The following SLC5A1 variants were observed in gnomAD, a reference collection of about 807,000 sequenced individuals.
SLC5A1 encodes sodium/glucose cotransporter 1.
A neutral mutation model predicts 73.5 loss-of-function variants in SLC5A1; 42 were observed. The ratio of observed to expected loss-of-function variants is 0.57; its 90% CI spans 0.45 to 0.74. The LOEUF is 0.74. SLC5A1 is among the 30% of genes least tolerant of loss of function. The pLI is 0.00. For synonymous variants in SLC5A1, 300 were observed against 317.4 expected (o/e 0.95, Z 0.58); for missense variants, 634 against 855.4 (o/e 0.74, Z 3.23).
In SLC5A1 at chr22:32,110,558, C is replaced by T. The variant is rs1253552781; in HGVS notation, c.*345C>T. ...CCGGGTGTCAGTGTGGTTTATAATCCTTGAATATTGTTTTAGAAACTTTGG... is the reference window on the plus strand; with the variant it reads ...CCGGGTGTCAGTGTGGTTTATAATCTTTGAATATTGTTTTAGAAACTTTGG... On this transcript the variant is annotated 3_prime_UTR_variant, in exon 15 of 15. Coordinates refer to ENST00000266088, the MANE Select transcript of SLC5A1 (RefSeq NM_000343.4). 6 of 357,530 alleles carry T rather than the reference C, an allele frequency of 1.7e-5. No individual in the cohort carries two copies. The highest frequency in any genetic ancestry group is 2.7e-5 in the Non-Finnish European group (5 of 188,038). 22.1% of individuals were successfully genotyped at this position (357,530 alleles called of 1,614,324 possible).
rs1176872471 is a variant in SLC5A1 at position 32,043,285 on chromosome 22, G to C, written c.4G>C (p.Asp2His). The change falls in exon 1 of 15, where the codon GAC becomes CAC. Residue 2 changes from aspartate to histidine, a missense_variant. Around this residue, in one of 3 missense-constraint regions of SLC5A1, gnomAD observed 51 missense variants for 50.5 expected, o/e 1.01. Coordinates refer to ENST00000266088, the MANE Select transcript of SLC5A1 (RefSeq NM_000343.4). This position sits in a 1 kb window ranked among gnomAD's most constrained non-coding sequence, Gnocchi z 6.5. M[D>H]SSTWSPKTTA... ...GGAAGGACGCAACGCTGCCACCATGGACAGTAGCACCTGGAGCCCCAAGAC... is the reference window on the plus strand; with the variant it reads ...GGAAGGACGCAACGCTGCCACCATGCACAGTAGCACCTGGAGCCCCAAGAC... 2 of 1,613,972 alleles carry C rather than the reference G, an allele frequency of 1.2e-6. No homozygotes were observed. The highest frequency in any genetic ancestry group is 1.7e-5 in the Admixed American group (1 of 60,032).
intron 5 of SLC5A1, among the ~76,000 whole-genome samples, chr22:32,069,052 A>T (rs901824138): frequency 6.6e-6 from 1 of 152,232 alleles, no homozygotes; most frequent in African/African-American, 2.4e-5. Context: ...AATACGTGGC[A>T]TATATACATA....
At chr22:32,053,877 A>G (rs2093948184) in intron 2 of SLC5A1, among the ~76,000 whole-genome samples, 1 of 152,164 alleles carries the variant, frequency 6.6e-6, no homozygotes, top group Non-Finnish European at 1.5e-5. Flanking sequence ...GATTATCATC[A>G]TTATAATTGT....
chr22:32,059,024 C>T (rs2093956204), intron 2 of SLC5A1: 1 of 774,754 alleles, frequency 1.3e-6, no homozygotes. Flanking sequence ...TTTGATATCA[C>T]TTACTCACTC....
rs1362872620 is a variant in SLC5A1, at chr22:32,050,118, G to T, written c.207+104G>T. On this transcript the variant is annotated intron_variant, in intron 2 of 14. Transcript: ENST00000266088. ...GGGTGGTGGTGATTCTAGGATTCAA[G>T]GATCCCAACCAGATTCTTGACAGTG... is the stretch of plus-strand genomic sequence containing the variant. The T allele has an allele frequency of 3.9e-6, 4 of 1,020,694 alleles. No individual in the cohort carries two copies. In the Admixed American group the frequency reaches 6.8e-5, roughly 17 times the overall value. 63.2% of individuals were successfully genotyped at this position (1,020,694 alleles called of 1,614,324 possible).
In SLC5A1 at chr22:32,084,417, T is replaced by C. The variant is rs746534891; in HGVS notation, c.665-22T>C. On this transcript the variant is annotated intron_variant, in intron 7 of 14. Transcript: ENST00000266088. The stretch of plus-strand genomic sequence containing the variant: ...CGAGTTGAAGGTTTCAGAATGTTCA[T>C]TTCTGTACCGATGTTTTCCAGCTTT... 6 of 1,604,598 alleles carry C rather than the reference T, an allele frequency of 3.7e-6. No homozygotes were observed. In the African/African-American group the frequency reaches 5.3e-5, roughly 14 times the overall value.
chr22:32,060,197 A>ATT (rs761638585), intron 2 of SLC5A1, among the ~76,000 whole-genome samples: 2 of 126,834 alleles, frequency 1.6e-5, no homozygotes, highest in African/African-American at 6.8e-5. Flanking sequence ...ATATATATAT[A>ATT]TATTTTTTTA....
chr22:32,059,385 A>T lies in SLC5A1; in HGVS notation c.208-7550A>T. The T allele has an allele frequency of 1.5e-5, 15 of 973,508 alleles. No individual in the cohort carries two copies. The South Asian group carries it at 7.1e-4, about 46-fold the overall frequency. 60.3% of individuals were successfully genotyped at this position (973,508 alleles called of 1,614,324 possible). ...ATGGAGATCGGCTCTGGATGGTGTC[A>T]GTGGAGAGGTGGGACTGGGCTTTAT... is the stretch of plus-strand genomic sequence containing the variant. On this transcript the variant is annotated intron_variant, in intron 2 of 14. Coordinates refer to ENST00000266088, the MANE Select transcript of SLC5A1 (RefSeq NM_000343.4).
chr22:32,046,011 C>G (rs888061947), intron 1 of SLC5A1, among the ~76,000 whole-genome samples: 2 of 152,196 alleles, frequency 1.3e-5, no homozygotes, highest in Non-Finnish European at 2.9e-5. Context: ...CACAAAGCCT[C>G]AGTATTTACC....
chr22:32,067,868 T>A, intron 3 of SLC5A1, 99 bp from the exon 4 acceptor site: 1 of 1,233,952 alleles, frequency 8.1e-7, no homozygotes. Context: ...GGGGAGAACA[T>A]GCTGGGTAAT....
At chr22:32,046,211 A>G (rs1371694708) in intron 1 of SLC5A1, among the ~76,000 whole-genome samples, 1 of 152,160 alleles carries the variant, frequency 6.6e-6, no homozygotes, top group Non-Finnish European at 1.5e-5. Context: ...GAGCTGGGAC[A>G]AGAATCAAGG....
intron 2 of SLC5A1, among the ~76,000 whole-genome samples, chr22:32,066,418 C>A (rs1173957568): frequency 6.6e-6 from 1 of 152,202 alleles, no homozygotes; most frequent in Non-Finnish European, 1.5e-5. Context: ...TGCAAATCAT[C>A]AGCTCCACGC....
At position 32,068,619 on chromosome 22, in the gene SLC5A1, AGG is replaced by A. The variant is rs757620107; in HGVS notation, c.477+21_477+22del. The A allele has an allele frequency of 4.6e-6, 7 of 1,531,758 alleles. 1 individual carries two copies. In the South Asian group the frequency reaches 6.7e-5, roughly 15 times the overall value. The allele number at this position is 1,531,758 out of a possible 1,614,324, so 94.9% of individuals were successfully genotyped here. A position where few individuals can be genotyped will look rare whatever the true frequency, so the allele number is the denominator to read the frequency against. Reference sequence around the variant, plus strand: ...GATCTCGGTGAGTCCACTGCCCCAGAGGGCTGGGCTGTCTCAGAAGCTGCCAC... The same window carrying A: ...GATCTCGGTGAGTCCACTGCCCCAGAGCTGGGCTGTCTCAGAAGCTGCCAC... On this transcript the variant is annotated intron_variant, in intron 5 of 14. Transcript: ENST00000266088.
chr22:32,058,607 C>T (rs760979562), intron 2 of SLC5A1, among the ~76,000 whole-genome samples: 2 of 152,040 alleles, frequency 1.3e-5, no homozygotes, highest in Admixed American at 6.6e-5. Context: ...GTGTACCAAC[C>T]GACAACTTTC....
At chr22:32,088,368 C>T (rs1352010943) in intron 10 of SLC5A1, among the ~76,000 whole-genome samples, 1 of 139,194 alleles carries the variant, frequency 7.2e-6, no homozygotes, top group East Asian at 2.1e-4. Context: ...TGGAGTCTTG[C>T]TCTTATCACC....
intron 3 of SLC5A1, 49 bp downstream of exon 3, chr22:32,067,088 C>A: frequency 7.2e-7 from 1 of 1,381,152 alleles, no homozygotes; most frequent in Non-Finnish European, 1.0e-6. Context: ...GGAGCCTTAG[C>A]AGTCAACCAG....
chr22:32,075,206 C>A (rs1214468553), intron 5 of SLC5A1, among the ~76,000 whole-genome samples: 1 of 151,128 alleles, frequency 6.6e-6, no homozygotes, highest in African/African-American at 2.4e-5. Flanking sequence ...GCCACCACAT[C>A]TGGCTGGGAT....
At position 32,043,422 on chromosome 22, in the gene SLC5A1, C is replaced by A. The variant is rs149479763; in HGVS notation, c.135+6C>A. On this transcript the variant is annotated splice_donor_region_variant and intron_variant, in intron 1 of 14. Coordinates refer to ENST00000266088, the MANE Select transcript of SLC5A1 (RefSeq NM_000343.4). This position sits in a 1 kb window ranked among gnomAD's most constrained non-coding sequence, Gnocchi z 6.5. ...TGATGGCCGTCGGACTGTGGGTATGCAGCGGGTTCTGGGATGCGGGTGGGG... is the reference window on the plus strand; with the variant it reads ...TGATGGCCGTCGGACTGTGGGTATGAAGCGGGTTCTGGGATGCGGGTGGGG... The A allele has an allele frequency of 1.2e-6, 2 of 1,613,636 alleles. No homozygotes were observed. Among genetic ancestry groups the A allele is most frequent in the Non-Finnish European group, 8.5e-7 (1 of 1,179,838 alleles).
At chr22:32,078,390 C>T (rs2093994236) in intron 5 of SLC5A1, among the ~76,000 whole-genome samples, 1 of 152,228 alleles carries the variant, frequency 6.6e-6, no homozygotes, top group South Asian at 2.1e-4. Context: ...GCCTCGGCCT[C>T]CCAGTTAGCT....
Sources: gnomAD v4.1 joint callset for allele counts (sites outside exome capture counted in the v4.1 genomes callset) on GRCh38, gnomAD v4.1.1 for gene constraint, gnomAD v4.1.1 regional missense constraint, Gnocchi (gnomAD v3.1) non-coding constraint, MANE v1.5 for transcripts, NCBI Gene and HGNC (gene_info 2026-07-23, HGNC 2026-07-21) for gene names.